Variants in PCCA observed in about 807,000 individuals in gnomAD.
PCCA encodes propionyl-CoA carboxylase alpha chain, mitochondrial.
In PCCA, 74 loss-of-function variants were observed where a neutral mutation model predicts 101.3. That is an observed-to-expected ratio of 0.73 (90% CI 0.61 to 0.89). PCCA has a LOEUF of 0.89. Among genes scored for constraint, PCCA ranks in the 40% least tolerant of loss-of-function variants. PCCA has a pLI of 0.00. For missense variants in PCCA, 891 were observed against 907.0 expected, an observed-to-expected ratio of 0.98 and a Z score of 0.23; for synonymous variants, 294 against 313.6, an observed-to-expected ratio of 0.94 and a Z score of 0.66.
At chr13:100,214,653 C>A (rs1005812876) in intron 7 of PCCA, among the ~76,000 whole-genome samples, 1 of 152,072 alleles carries the variant, frequency 6.6e-6, no homozygotes, top group Non-Finnish European at 1.5e-5. Flanking sequence ...GTCTTGATCT[C>A]CTGACCTTGT....
At position 100,524,983 on chromosome 13, in the gene PCCA, G is replaced by GGATGGATA. The variant is rs1555330339; in HGVS notation, c.2041-2689_2041-2688insGGATAGAT. Among the ~76,000 whole-genome samples, 378 of 137,264 alleles carry GGATGGATA rather than the reference G, an allele frequency of 2.8e-3. 1 individual carries two copies. Among genetic ancestry groups the GGATGGATA allele is most frequent in the African/African-American group, 9.4e-3 (359 of 38,250 alleles). The allele number at this position is 137,264 out of a possible 152,430, so 90.1% of individuals were successfully genotyped here. ...TAGACCGAGATTCTGTCTCTAAGAT[G>GGATGGATA]GATAGATAGATAGATAGATAGATAG... On this transcript the variant is annotated intron_variant, in intron 22 of 23. Transcript: ENST00000376285.
intron 6 of PCCA, among the ~76,000 whole-genome samples, chr13:100,159,803 T>A (rs1159503174): frequency 6.6e-6 from 1 of 152,188 alleles, no homozygotes; most frequent in East Asian, 1.9e-4. Flanking sequence ...TTCCTCACTC[T>A]CTCTGGGTGG....
At chr13:100,127,886 C>T (rs1481201422) in intron 4 of PCCA, among the ~76,000 whole-genome samples, 4 of 151,804 alleles carry the variant, frequency 2.6e-5, no homozygotes, top group African/African-American at 9.7e-5. Flanking sequence ...AGCTAGACTC[C>T]GTCTCAAAAA....
At position 100,178,803 on chromosome 13, in the gene PCCA, C is replaced by T. The variant is rs145768944; in HGVS notation, c.468+21463C>T. Among the ~76,000 whole-genome samples the T allele has an allele frequency of 2.4e-4, 36 of 152,020 alleles. No individual in the cohort carries two copies. The East Asian group carries it at 5.8e-3, about 24-fold the overall frequency. On this transcript the variant is annotated intron_variant, in intron 6 of 23. Transcript: ENST00000376285. ...AATTAATTAAAATGTGTGGGCCGGG[C>T]GCGGTGGCTCATGCCTGTAATCCCA...
intron 18 of PCCA, among the ~76,000 whole-genome samples, chr13:100,347,076 C>T (rs1248798508): frequency 1.3e-5 from 2 of 152,070 alleles, no homozygotes; most frequent in Non-Finnish European, 2.9e-5. Context: ...GGGGTTTCAC[C>T]GTGTTAGCCA....
intron 19 of PCCA, among the ~76,000 whole-genome samples, chr13:100,369,893 AT>A (rs201911001): frequency 5.3e-5 from 8 of 150,702 alleles, no homozygotes; most frequent in Non-Finnish European, 1.0e-4. Context: ...ACAATGTAGC[AT>A]TTTTTTTTCT....
chr13:100,389,834 G>A (rs1255869607), intron 19 of PCCA, among the ~76,000 whole-genome samples: 2 of 152,060 alleles, frequency 1.3e-5, no homozygotes, highest in Non-Finnish European at 2.9e-5. Context: ...CCGGCCATGT[G>A]AAAGTGCCAG....
chr13:100,105,586 T>G (rs889825896), intron 2 of PCCA, among the ~76,000 whole-genome samples: 1 of 147,330 alleles, frequency 6.8e-6, no homozygotes, highest in South Asian at 2.1e-4. Flanking sequence ...CCCAGCACTT[T>G]GGGAGTTTGA....
chr13:100,246,085 G>A (rs1379233173), intron 8 of PCCA, among the ~76,000 whole-genome samples: 3 of 152,166 alleles, frequency 2.0e-5, no homozygotes, highest in African/African-American at 7.2e-5. Context: ...TATCTAGGGG[G>A]TGTGGGCTGC....
intron 19 of PCCA, among the ~76,000 whole-genome samples, chr13:100,384,951 G>A (rs2076419179): frequency 6.6e-6 from 1 of 151,870 alleles, no homozygotes; most frequent in Admixed American, 6.6e-5. Flanking sequence ...ATTGAGGTAA[G>A]TTTTTTGAAG....
At chr13:100,409,887 T>C (rs545601571) in intron 19 of PCCA, among the ~76,000 whole-genome samples, 7 of 151,746 alleles carry the variant, frequency 4.6e-5, no homozygotes, top group African/African-American at 7.3e-5. Flanking sequence ...ACCTGTTGAG[T>C]AGCTGTTGGG....
chr13:100,121,030 T>G (rs1413130734), intron 4 of PCCA, among the ~76,000 whole-genome samples: 1 of 152,200 alleles, frequency 6.6e-6, no homozygotes, highest in Non-Finnish European at 1.5e-5. Flanking sequence ...TTTTTTAATT[T>G]CAATTTTTTA....
chr13:100,173,833 G>T (rs1050319599), intron 6 of PCCA, among the ~76,000 whole-genome samples: 4 of 152,160 alleles, frequency 2.6e-5, no homozygotes, highest in African/African-American at 9.7e-5. Flanking sequence ...TTGTGATAGT[G>T]AATCAGTTTC....
rs183056253 is a variant in PCCA, at chr13:100,353,919, C to A, written c.1643+13660C>A. ...AGTGAGCCAAGATCGTACTACTGTA[C>A]TCCTGCCTGGGTGGCAAAGTGAGAC... On this transcript the variant is annotated intron_variant, in intron 18 of 23. Transcript: ENST00000376285. Among the ~76,000 whole-genome samples the A allele has an allele frequency of 9.2e-5, 14 of 151,942 alleles. No individual in the cohort carries two copies. The East Asian group carries it at 2.7e-3, about 30-fold the overall frequency.
At chr13:100,205,716 A>C (rs1003518075) in intron 6 of PCCA, among the ~76,000 whole-genome samples, 2 of 151,986 alleles carry the variant, frequency 1.3e-5, no homozygotes, top group Non-Finnish European at 2.9e-5. Flanking sequence ...TATTTCTTCA[A>C]TTCTTTGTGT....
At chr13:100,232,642 A>G (rs894029574) in intron 7 of PCCA, among the ~76,000 whole-genome samples, 6 of 151,944 alleles carry the variant, frequency 3.9e-5, no homozygotes, top group African/African-American at 1.5e-4. Context: ...TGGCCTCCCA[A>G]AGTGCTGGGA....
intron 19 of PCCA, among the ~76,000 whole-genome samples, chr13:100,382,705 G>A (rs2076294536): frequency 6.6e-6 from 1 of 152,042 alleles, no homozygotes; most frequent in Non-Finnish European, 1.5e-5. Context: ...TTTACTTCTA[G>A]AACATATTCC....
chr13:100,125,284 T>G (rs1231406198), intron 4 of PCCA, among the ~76,000 whole-genome samples: 2 of 152,190 alleles, frequency 1.3e-5, no homozygotes, highest in African/African-American at 4.8e-5. Context: ...ATCAGAAATA[T>G]TTCCAGACAT....
At chr13:100,460,563 A>G (rs1389999536) in intron 21 of PCCA, among the ~76,000 whole-genome samples, 2 of 152,360 alleles carry the variant, frequency 1.3e-5, no homozygotes, top group East Asian at 3.9e-4. Context: ...AAATGATGCT[A>G]AAGTTCTTAA....
Sources: allele counts gnomAD v4.1 joint callset (sites outside exome capture counted in the v4.1 genomes callset), GRCh38; gene constraint gnomAD v4.1.1; transcripts MANE v1.5; gene names NCBI Gene and HGNC (gene_info 2026-07-23, HGNC 2026-07-21).